Variants in ADGRG7 observed in about 807,000 individuals in gnomAD.
ADGRG7 encodes the protein adhesion G protein-coupled receptor G7.
ADGRG7 carries 82 observed loss-of-function variants against 88.6 expected under a neutral mutation model. The ratio of observed to expected loss-of-function variants is 0.93; its 90% CI spans 0.77 to 1.11. ADGRG7 has a LOEUF of 1.11. Ranked by LOEUF, ADGRG7 falls within the 50% of genes most tolerant of loss-of-function variation. ADGRG7 has a pLI of 0.00. For synonymous variants in ADGRG7, 381 were observed against 345.2 expected (o/e 1.10, Z -1.15); for missense variants, 945 against 953.4 (o/e 0.99, Z 0.12).
At chr3:100,630,833 C>T (rs1374376429) in intron 3 of ADGRG7, 24 bp downstream of exon 3, 1 of 1,267,134 alleles carries the variant, frequency 7.9e-7, no homozygotes, top group Non-Finnish European at 1.1e-6. Context: ...CAAACATTTA[C>T]TCTATGCATA....
rs865809922 is a variant in ADGRG7 at position 100,638,713 on chromosome 3, T to A, written c.698+1311T>A. 2.5e-4 allele frequency among the ~76,000 whole-genome samples: 38 copies of A among 152,146 alleles called. No homozygotes were observed. The Middle Eastern group carries it at 0.027, about 109-fold the overall frequency. On this transcript the variant is annotated intron_variant, in intron 6 of 15. Coordinates refer to ENST00000273352, the MANE Select transcript of ADGRG7 (RefSeq NM_032787.3). ...TCCTCCCTTTCTGACCAACACTACA[T>A]TGAAAAAAAAGAAAAAGAGAACTCT...
At chr3:100,656,040 T>C (rs1416228741) in intron 13 of ADGRG7, 45 bp downstream of exon 13, 1 of 1,209,342 alleles carries the variant, frequency 8.3e-7, no homozygotes, top group South Asian at 1.2e-5. Flanking sequence ...GACCTAAAAG[T>C]GTAACTGTTC....
At chr3:100,694,249 T>C (rs2094998458) in intron 15 of ADGRG7, among the ~76,000 whole-genome samples, 1 of 152,186 alleles carries the variant, frequency 6.6e-6, no homozygotes, top group South Asian at 2.1e-4. Flanking sequence ...GTTTTGTGGC[T>C]CAATTTCTCA....
intron 1 of ADGRG7, among the ~76,000 whole-genome samples, chr3:100,613,860 C>T (rs1199056016): frequency 6.6e-6 from 1 of 152,062 alleles, no homozygotes; most frequent in Non-Finnish European, 1.5e-5. Context: ...GAAAAATGTA[C>T]AAGAGTAGGG....
intron 10 of ADGRG7, among the ~76,000 whole-genome samples, chr3:100,649,445 A>G (rs2094925129): frequency 6.6e-6 from 1 of 152,248 alleles, no homozygotes; most frequent in African/African-American, 2.4e-5. Flanking sequence ...GCAAATACCA[A>G]GACATGACTG....
chr3:100,611,635 A>G (rs1707156448), intron 1 of ADGRG7, among the ~76,000 whole-genome samples: 1 of 152,236 alleles, frequency 6.6e-6, no homozygotes, highest in Non-Finnish European at 1.5e-5. Context: ...CCAGCTCCTC[A>G]AAAAGAAAAA....
At chr3:100,687,684 G>A (rs2094985262) in intron 15 of ADGRG7, among the ~76,000 whole-genome samples, 1 of 152,198 alleles carries the variant, frequency 6.6e-6, no homozygotes, top group African/African-American at 2.4e-5. Flanking sequence ...TATGTTTATT[G>A]ATTTTCGTAT....
intron 15 of ADGRG7, among the ~76,000 whole-genome samples, chr3:100,677,079 TTTGTGTTATTA>T (rs1246219330): frequency 1.3e-5 from 2 of 152,102 alleles, no homozygotes; most frequent in African/African-American, 2.4e-5. Flanking sequence ...GTTTAGTTCA[TTTGTGTTATTA>T]TTGTGTTATT....
intron 14 of ADGRG7, among the ~76,000 whole-genome samples, chr3:100,660,506 T>TA (rs2094943807): frequency 1.3e-5 from 2 of 152,044 alleles, no homozygotes; most frequent in South Asian, 4.2e-4. Flanking sequence ...ATAGTCTCTG[T>TA]AAAAAAGAGG....
chr3:100,622,752 T>G (rs1162422696), intron 1 of ADGRG7, among the ~76,000 whole-genome samples: 1 of 151,998 alleles, frequency 6.6e-6, no homozygotes, highest in Admixed American at 6.6e-5. Context: ...TGGCTTCCAT[T>G]TTTATCTTCT....
chr3:100,635,468 C>T, intron 4 of ADGRG7: 14 of 1,131,914 alleles, frequency 1.2e-5, no homozygotes, highest in South Asian at 2.0e-5. Flanking sequence ...TTAATCAATC[C>T]TGTCAAACAG....
intron 15 of ADGRG7, among the ~76,000 whole-genome samples, chr3:100,673,013 A>ATTTT (rs1466518524): frequency 1.3e-5 from 2 of 151,704 alleles, no homozygotes; most frequent in Non-Finnish European, 2.9e-5. Context: ...CTGGCCTGAA[A>ATTTT]TTTTTTTTGT....
intron 1 of ADGRG7, among the ~76,000 whole-genome samples, chr3:100,615,515 G>A (rs1707213097): frequency 6.6e-6 from 1 of 152,186 alleles, no homozygotes. Context: ...GTCAGCAAAT[G>A]TGTGTTGGGT....
Position 100,669,062 on chromosome 3 carries a change from G to A in ADGRG7, c.2093G>A (p.Arg698Lys), listed in dbSNP as rs186187400. The A allele has an allele frequency of 2.3e-4, 364 of 1,600,468 alleles. 3 individuals are homozygous for A. Among genetic ancestry groups the A allele is most frequent in the Non-Finnish European group, 1.8e-5 (21 of 1,174,460 alleles). The change falls in exon 15 of 16, where the codon AGG becomes AAG. Residue 698 changes from arginine (R) to lysine (K), a missense_variant. Arg to Lys is a conservative substitution (Grantham distance 26). Transcript: ENST00000273352. ...YLMLVNDDSI[R>K]IVFSYIFCLF... ...ATGCTAGTTAATGATGATAGCATCA[G>A]GATCGTCTTCAGCTACATATTCTGC...
At chr3:100,685,703 C>A (rs976877045) in intron 15 of ADGRG7, among the ~76,000 whole-genome samples, 7 of 152,104 alleles carry the variant, frequency 4.6e-5, no homozygotes, top group Non-Finnish European at 1.0e-4. Flanking sequence ...AGGACATGAA[C>A]TCATCATTTT....
At chr3:100,689,070 G>T (rs2094988362) in intron 15 of ADGRG7, among the ~76,000 whole-genome samples, 1 of 152,156 alleles carries the variant, frequency 6.6e-6, no homozygotes, top group African/African-American at 2.4e-5. Context: ...CCTGTATTGG[G>T]TGCATATATA....
At chr3:100,626,865 G>C (rs980289812) in intron 1 of ADGRG7, among the ~76,000 whole-genome samples, 1 of 152,108 alleles carries the variant, frequency 6.6e-6, no homozygotes, top group Non-Finnish European at 1.5e-5. Context: ...TATAATTTTT[G>C]ATGCTATTTT....
chr3:100,651,142 G>A (rs761491924), intron 11 of ADGRG7, among the ~76,000 whole-genome samples: 1 of 152,074 alleles, frequency 6.6e-6, no homozygotes, highest in Non-Finnish European at 1.5e-5. Context: ...AAGTTTTATA[G>A]TGAGTGCTTA....
At chr3:100,686,769 A>G (rs967710731) in intron 15 of ADGRG7, among the ~76,000 whole-genome samples, 3 of 152,130 alleles carry the variant, frequency 2.0e-5, no homozygotes, top group South Asian at 2.1e-4. Flanking sequence ...TGCTGTTTTG[A>G]TTACTGTAGC....
Sources: gnomAD v4.1 joint callset for allele counts (sites outside exome capture counted in the v4.1 genomes callset) on GRCh38, gnomAD v4.1.1 for gene constraint, MANE v1.5 for transcripts, NCBI Gene and HGNC (gene_info 2026-07-23, HGNC 2026-07-21) for gene names.